STK10: variants seen among roughly 807,000 people sequenced by gnomAD.
The protein encoded by STK10 is serine/threonine-protein kinase 10.
A neutral mutation model predicts 113.8 loss-of-function variants in STK10; 78 were observed. The ratio of observed to expected loss-of-function variants is 0.69; its 90% CI spans 0.57 to 0.83. The LOEUF is 0.83. STK10 is among the 40% of genes least tolerant of loss of function. STK10 has a pLI of 0.00. For synonymous variants in STK10, 465 were observed against 494.7 expected, an observed-to-expected ratio of 0.94 and a Z score of 0.80; for missense variants, 1,109 against 1,280.1, an observed-to-expected ratio of 0.87 and a Z score of 2.04.
intron 1 of STK10, among the ~76,000 whole-genome samples, chr5:172,158,927 G>A (rs906503573): frequency 6.6e-6 from 1 of 152,154 alleles, no homozygotes; most frequent in Non-Finnish European, 1.5e-5. Flanking sequence ...AAGAGTTTTT[G>A]TAGAGGATGA....
intron 4 of STK10, among the ~76,000 whole-genome samples, chr5:172,113,265 T>G (rs2113772850): frequency 6.6e-6 from 1 of 152,228 alleles, no homozygotes; most frequent in Admixed American, 6.5e-5. Context: ...GCATGCCGGC[T>G]GCAGGATGAA....
chr5:172,105,087 T>C (rs1225166902), intron 7 of STK10, among the ~76,000 whole-genome samples: 1 of 152,100 alleles, frequency 6.6e-6, no homozygotes, highest in South Asian at 2.1e-4. Context: ...TAGGGAACCA[T>C]CGAGCCTTGG....
intron 2 of STK10, among the ~76,000 whole-genome samples, chr5:172,128,818 GGAAA>G (rs1214526121): frequency 6.6e-6 from 1 of 152,200 alleles, no homozygotes; most frequent in African/African-American, 2.4e-5. Flanking sequence ...TCTCTAAACA[GGAAA>G]GAAACTCTCA....
chr5:172,149,211 T>C (rs1254417270), intron 2 of STK10, among the ~76,000 whole-genome samples: 1 of 151,988 alleles, frequency 6.6e-6, no homozygotes, highest in African/African-American at 2.4e-5. Context: ...TTTGGTGAGA[T>C]AGTCAGGAAA....
In STK10 at chr5:172,093,871, CG is replaced by C; in HGVS notation, c.1094del (p.Pro365ArgfsTer11). Reference protein sequence around the residue: ...DKPLEESPSTPLAPSQSQDSV... With the variant: ...DKPLEESPSTXLAPSQSQDSV... ...TGTCCTGAGACTGGCTGGGTGCCAG[CG>C]GGGTGGAAGGTGACTCCTCGAGAGG... is the stretch of plus-strand genomic sequence containing the variant. On this transcript the variant is annotated frameshift_variant, in exon 9 of 19. Coordinates refer to ENST00000176763, the MANE Select transcript of STK10 (RefSeq NM_005990.4). LOFTEE classifies it high-confidence loss of function. This position sits in a 1 kb window ranked among gnomAD's most constrained non-coding sequence, Gnocchi z 4.1. The C allele has an allele frequency of 6.4e-7, 1 of 1,573,188 alleles. No homozygotes were observed. Among genetic ancestry groups the C allele is most frequent in the Non-Finnish European group, 8.7e-7 (1 of 1,155,606 alleles).
chr5:172,068,421 A>G (rs935995171), intron 12 of STK10, among the ~76,000 whole-genome samples: 1 of 152,168 alleles, frequency 6.6e-6, no homozygotes, highest in Non-Finnish European at 1.5e-5. Context: ...TTTTCAGATG[A>G]AGGAAAGTAG....
Position 172,082,895 on chromosome 5 carries a change from A to G in STK10, c.1809+66T>C, listed in dbSNP as rs1768465674. 3 of 1,592,078 alleles carry G rather than the reference A, an allele frequency of 1.9e-6. No individual in the cohort carries two copies. The Admixed American group carries it at 5.4e-5, about 29-fold the overall frequency. On this transcript the variant is annotated intron_variant, in intron 11 of 18. Transcript: ENST00000176763. The surrounding 1 kb of genome is among the most constrained non-coding windows in gnomAD (Gnocchi z 4.3). ...CACTACCCAATCATTCCCACTATGT[A>G]GCTTCCACTGAGAGAACACCTGGAG...
intron 15 of STK10, chr5:172,056,953 AGG>A (rs1491422261): frequency 1.1e-5 from 1 of 91,232 alleles, no homozygotes; most frequent in African/African-American, 5.6e-5. Context: ...GAAAGAAAGA[AGG>A]AAAGAAAGAA....
At chr5:172,118,347 G>C (rs1036531682) in intron 3 of STK10, among the ~76,000 whole-genome samples, 1 of 152,148 alleles carries the variant, frequency 6.6e-6, no homozygotes, top group African/African-American at 2.4e-5. Context: ...CTGGCTCTGT[G>C]CTTGGAGCAG....
intron 1 of STK10, among the ~76,000 whole-genome samples, chr5:172,185,018 C>A (rs1561838645): frequency 6.6e-6 from 1 of 152,040 alleles, no homozygotes; most frequent in Admixed American, 6.6e-5. Context: ...CAAGAGGAGA[C>A]AGTATCGATT....
chr5:172,096,033 G>T (rs1768841240), intron 8 of STK10, among the ~76,000 whole-genome samples: 1 of 152,202 alleles, frequency 6.6e-6, no homozygotes, highest in African/African-American at 2.4e-5. Flanking sequence ...GGGGGGCCAG[G>T]GTGTTGCCTG....
In STK10 at chr5:172,133,054, G is replaced by A. The variant is rs185125094; in HGVS notation, c.322-5633C>T. Among the ~76,000 whole-genome samples, 12 of 152,348 alleles carry A rather than the reference G, an allele frequency of 7.9e-5. No individual in the cohort carries two copies. The East Asian group carries it at 2.3e-3, about 29-fold the overall frequency. On this transcript the variant is annotated intron_variant, in intron 2 of 18. Coordinates refer to ENST00000176763, the MANE Select transcript of STK10 (RefSeq NM_005990.4). This position sits in a 1 kb window ranked among gnomAD's most constrained non-coding sequence, Gnocchi z 4.9. The stretch of plus-strand genomic sequence containing the variant: ...CCTGGCAGAACACAGAAGCAGAGGT[G>A]GGGCAGCAGGGAAAAGCGTGGAAGC...
At chr5:172,071,324 T>C (rs1172229561) in intron 12 of STK10, among the ~76,000 whole-genome samples, 1 of 65,712 alleles carries the variant, frequency 1.5e-5, no homozygotes, top group East Asian at 4.6e-4. Context: ...TAACTAAAAC[T>C]GAGGCAGGAT....
At chr5:172,065,564 G>A (rs1768049600) in intron 12 of STK10, among the ~76,000 whole-genome samples, 1 of 152,004 alleles carries the variant, frequency 6.6e-6, no homozygotes, top group Non-Finnish European at 1.5e-5. Flanking sequence ...CAGCCCCTGA[G>A]GTCCAGGTGA....
chr5:172,117,990 G>T (rs746339713), intron 3 of STK10, among the ~76,000 whole-genome samples: 1 of 139,200 alleles, frequency 7.2e-6, no homozygotes, highest in East Asian at 2.0e-4. Context: ...TCCAGCCTGT[G>T]CGACAGTGAT....
At chr5:172,124,152 T>G (rs138698561) in intron 3 of STK10, among the ~76,000 whole-genome samples, 2,458 of 152,202 alleles carry the variant, frequency 0.016, 69 homozygotes, top group African/African-American at 0.055. Context: ...GGTCTCAAAC[T>G]CCTGAGCTCA....
At chr5:172,045,081 C>G in intron 18 of STK10, 59 bp from the exon 19 acceptor site, 1 of 1,596,158 alleles carries the variant, frequency 6.3e-7, no homozygotes. Flanking sequence ...ACGTGGGTCT[C>G]CCACTCACAG....
intron 2 of STK10, among the ~76,000 whole-genome samples, chr5:172,155,984 G>A (rs545299824): frequency 5.9e-5 from 9 of 151,778 alleles, no homozygotes; most frequent in African/African-American, 2.2e-4. Flanking sequence ...AACAGAACGA[G>A]GCTCCATCTC....
At chr5:172,144,388 T>C (rs989153636) in intron 2 of STK10, among the ~76,000 whole-genome samples, 1 of 151,668 alleles carries the variant, frequency 6.6e-6, no homozygotes, top group African/African-American at 2.4e-5. Flanking sequence ...CTCCTTAGCC[T>C]CTCCAATACA....
Sources: gnomAD v4.1 joint callset for allele counts (sites outside exome capture counted in the v4.1 genomes callset) on GRCh38, gnomAD v4.1.1 for gene constraint, Gnocchi (gnomAD v3.1) non-coding constraint, MANE v1.5 for transcripts, NCBI Gene and HGNC (gene_info 2026-07-23, HGNC 2026-07-21) for gene names.